Variants in TENM4 observed in about 807,000 individuals in gnomAD.
TENM4 encodes the protein teneurin-4.
A neutral mutation model predicts 243.3 loss-of-function variants in TENM4; 82 were observed. The ratio of observed to expected loss-of-function variants is 0.34; its 90% CI spans 0.28 to 0.40. TENM4 has a LOEUF of 0.40. Among genes scored for constraint, TENM4 ranks in the 10% least tolerant of loss-of-function variants. The pLI, the probability that TENM4 is intolerant of heterozygous loss-of-function variation, is 1.00. For synonymous variants in TENM4, 1,412 were observed against 1,456.3 expected (o/e 0.97, Z 0.69); for missense variants, 3,138 against 3,673.3 (o/e 0.85, Z 3.77).
At chr11:78,885,506 C>G (rs533630541) in intron 9 of TENM4, among the ~76,000 whole-genome samples, 1 of 152,376 alleles carries the variant, frequency 6.6e-6, no homozygotes, top group South Asian at 2.1e-4. Context: ...CTTCCGCAGT[C>G]TCTGTTGGTG....
intron 1 of TENM4, among the ~76,000 whole-genome samples, chr11:79,309,970 C>T (rs112562578): frequency 1.3e-3 from 205 of 152,304 alleles, no homozygotes; most frequent in Non-Finnish European, 2.3e-3. Flanking sequence ...TGTCCTGACC[C>T]TTCCAGGCAG....
chr11:78,908,217 C>T (rs1256629054), intron 6 of TENM4, among the ~76,000 whole-genome samples: 18 of 152,188 alleles, frequency 1.2e-4, no homozygotes, highest in African/African-American at 4.3e-4. Flanking sequence ...CAAGTTTTGG[C>T]TCTGCCACTT....
At chr11:79,175,812 C>G (rs543970842) in intron 3 of TENM4, among the ~76,000 whole-genome samples, 1 of 152,230 alleles carries the variant, frequency 6.6e-6, no homozygotes, top group African/African-American at 2.4e-5. Flanking sequence ...AATAGTCAGG[C>G]TGGGTGTGGT....
chr11:78,823,341 A>G (rs1369130757), intron 12 of TENM4, among the ~76,000 whole-genome samples: 1 of 152,214 alleles, frequency 6.6e-6, no homozygotes, highest in Non-Finnish European at 1.5e-5. Context: ...GACCCGGCTG[A>G]GCACCTGACC....
In TENM4 at chr11:78,901,820, T is replaced by C. The variant is rs188526650; in HGVS notation, c.749+1448A>G. Reference sequence around the variant, plus strand: ...TTTTAAAGGATGCCAACAGAAATAATATAAATTAAGAGACTGGAGGCGGGA... The same window carrying C: ...TTTTAAAGGATGCCAACAGAAATAACATAAATTAAGAGACTGGAGGCGGGA... On this transcript the variant is annotated intron_variant, in intron 7 of 33. Transcript: ENST00000278550. Among the ~76,000 whole-genome samples the C allele has an allele frequency of 1.7e-3, 261 of 152,280 alleles. 4 individuals carry two copies. Among genetic ancestry groups the C allele is most frequent in the Non-Finnish European group, 4.4e-4 (30 of 68,022 alleles).
At chr11:79,009,270 G>C (rs1480452682) in intron 6 of TENM4, among the ~76,000 whole-genome samples, 2 of 152,086 alleles carry the variant, frequency 1.3e-5, no homozygotes, top group African/African-American at 4.8e-5. Context: ...GTTATCTCAG[G>C]TCCCAGCTTT....
chr11:79,118,870 A>G (rs1861676888), intron 4 of TENM4, among the ~76,000 whole-genome samples: 1 of 152,170 alleles, frequency 6.6e-6, no homozygotes, highest in Non-Finnish European at 1.5e-5. Flanking sequence ...ATGTCCATGG[A>G]CATATAGACC....
intron 3 of TENM4, among the ~76,000 whole-genome samples, chr11:79,161,698 G>T (rs1033325056): frequency 6.6e-6 from 1 of 152,204 alleles, no homozygotes; most frequent in Admixed American, 6.5e-5. Flanking sequence ...GTCCAACTGT[G>T]ATAGCATATG....
intron 7 of TENM4, among the ~76,000 whole-genome samples, chr11:78,899,509 T>C (rs1855875892): frequency 8.0e-6 from 1 of 124,908 alleles, no homozygotes; most frequent in African/African-American, 3.1e-5. Flanking sequence ...GTCTGGGAGG[T>C]TGAGGCTGCA....
chr11:78,728,561 CT>C (rs754057542), intron 22 of TENM4, among the ~76,000 whole-genome samples: 1 of 151,784 alleles, frequency 6.6e-6, no homozygotes, highest in Non-Finnish European at 1.5e-5. Flanking sequence ...TCCTCCTTCC[CT>C]CCCTTCCTTC....
intron 3 of TENM4, among the ~76,000 whole-genome samples, chr11:79,211,479 T>C (rs1417704963): frequency 6.6e-6 from 1 of 152,216 alleles, no homozygotes; most frequent in Non-Finnish European, 1.5e-5. Context: ...AAACTATTTA[T>C]AACAATGCTA....
chr11:78,862,952 G>C lies in TENM4; in HGVS notation c.1255+10C>G. The C allele has an allele frequency of 7.0e-7, 1 of 1,436,808 alleles. No homozygotes were observed. The highest frequency in any genetic ancestry group is 1.4e-5 in the African/African-American group (1 of 70,440). 89.0% of individuals were successfully genotyped at this position (1,436,808 alleles called of 1,614,324 possible). ...GAGGACTCACAACACGGACAACGCA[G>C]CAACCCTACCTTCTGTGGTTCCTTT... On this transcript the variant is annotated intron_variant, in intron 10 of 33. Coordinates refer to ENST00000278550, the MANE Select transcript of TENM4 (RefSeq NM_001098816.3).
intron 1 of TENM4, among the ~76,000 whole-genome samples, chr11:79,436,317 GA>G (rs1859270146): frequency 6.6e-6 from 1 of 152,050 alleles, no homozygotes; most frequent in South Asian, 2.1e-4. Context: ...GGGACAATTG[GA>G]AAAATCTGAA....
intron 7 of TENM4, among the ~76,000 whole-genome samples, chr11:78,899,397 A>G (rs940492504): frequency 1.3e-5 from 2 of 151,948 alleles, no homozygotes; most frequent in Non-Finnish European, 2.9e-5. Flanking sequence ...GTTCAAGACC[A>G]TCCTGATCTC....
At chr11:79,007,674 G>A (rs1858528026) in intron 6 of TENM4, among the ~76,000 whole-genome samples, 1 of 152,148 alleles carries the variant, frequency 6.6e-6, no homozygotes, top group Admixed American at 6.5e-5. Flanking sequence ...GGGCAGACAG[G>A]AAAAGAGCAC....
intron 4 of TENM4, among the ~76,000 whole-genome samples, chr11:79,077,933 G>T (rs986485413): frequency 6.6e-6 from 1 of 152,192 alleles, no homozygotes; most frequent in Non-Finnish European, 1.5e-5. Context: ...TGGAAGAATG[G>T]CAAGAGTGTG....
At chr11:79,299,062 C>CCACA (rs61589223) in intron 1 of TENM4, among the ~76,000 whole-genome samples, 4,748 of 150,158 alleles carry the variant, frequency 0.032, 121 homozygotes, top group African/African-American at 0.068. Context: ...GGTGCTGTAT[C>CCACA]CACACACACA....
At chr11:78,906,754 C>T (rs910070684) in intron 6 of TENM4, among the ~76,000 whole-genome samples, 1 of 152,154 alleles carries the variant, frequency 6.6e-6, no homozygotes, top group African/African-American at 2.4e-5. Flanking sequence ...TTTTCATTTC[C>T]TCCCCAAGAG....
intron 22 of TENM4, among the ~76,000 whole-genome samples, chr11:78,727,461 G>A (rs1480585085): frequency 2.0e-5 from 3 of 151,308 alleles, no homozygotes; most frequent in Non-Finnish European, 2.9e-5. Flanking sequence ...AATTATGTAT[G>A]AAAAAAGAAA....
Sources: allele counts gnomAD v4.1 joint callset (sites outside exome capture counted in the v4.1 genomes callset), GRCh38; gene constraint gnomAD v4.1.1; transcripts MANE v1.5; gene names NCBI Gene and HGNC (gene_info 2026-07-23, HGNC 2026-07-21).